The following ARHGAP29 variants were observed in gnomAD, a reference collection of about 807,000 sequenced individuals.
The protein encoded by ARHGAP29 is Rho GTPase activating protein 29, also known as rho GTPase-activating protein 29.
A neutral mutation model predicts 122.6 loss-of-function variants in ARHGAP29; 43 were observed. The ratio of observed to expected loss-of-function variants is 0.35; its 90% CI spans 0.27 to 0.45. ARHGAP29 has a LOEUF of 0.45. Among genes scored for constraint, ARHGAP29 ranks in the 20% least tolerant of loss-of-function variants. The pLI is 1.00. For missense variants in ARHGAP29, 1,303 were observed against 1,477.2 expected, an observed-to-expected ratio of 0.88 and a Z score of 1.93; for synonymous variants, 506 against 497.1, an observed-to-expected ratio of 1.02 and a Z score of -0.24.
Position 94,173,758 on chromosome 1 carries a change from G to T in ARHGAP29, c.*111C>A. 7.5e-7 allele frequency: 1 copy of T among 1,340,160 alleles called. No homozygotes were observed. The highest frequency in any genetic ancestry group is 1.0e-6 in the Non-Finnish European group (1 of 988,596). 83.0% of individuals were successfully genotyped at this position (1,340,160 alleles called of 1,614,324 possible). On this transcript the variant is annotated 3_prime_UTR_variant, in exon 23 of 23. Coordinates refer to ENST00000260526, the MANE Select transcript of ARHGAP29 (RefSeq NM_004815.4). ...TACAACAACAAAAGGCAAAACCCAT[G>T]ATTTGGCAGTCCTATACAAAAGAGG...
upstream of ARHGAP29, chr1:94,237,698 C>T: frequency 1.0e-6 from 1 of 985,394 alleles, no homozygotes; most frequent in Non-Finnish European, 1.2e-6. Flanking sequence ...CCGGCGACCG[C>T]GGCAGGTACG....
chr1:94,313,523 C>T, the ARHGAP29 span, among the ~76,000 whole-genome samples: 2 of 152,170 alleles, frequency 1.3e-5, no homozygotes, highest in Admixed American at 1.3e-4. Flanking sequence ...AGCGCTTTTA[C>T]ACTGTTGGTG....
chr1:94,247,777 G>T, intron 1 of ARHGAP29: 1 of 438,218 alleles, frequency 2.3e-6, no homozygotes, highest in South Asian at 9.6e-5. Context: ...CGCCTGCCCC[G>T]CCCCTTGGAG....
chr1:94,182,100 TA>T (rs56040000), intron 19 of ARHGAP29, among the ~76,000 whole-genome samples: 13 of 150,594 alleles, frequency 8.6e-5, no homozygotes, highest in African/African-American at 3.2e-4. Flanking sequence ...CAAGAATCCT[TA>T]AAAAAAAATT....
At chr1:94,209,919 A>G (rs145298795) in intron 3 of ARHGAP29, among the ~76,000 whole-genome samples, 206 of 152,314 alleles carry the variant, frequency 1.4e-3, no homozygotes, top group African/African-American at 4.8e-3. Context: ...ATTTACTTAC[A>G]GCCTTATTTC....
chr1:94,204,119 A>G (rs558382504), intron 7 of ARHGAP29, 125 bp from the exon 8 acceptor site: 54 of 581,806 alleles, frequency 9.3e-5, no homozygotes, highest in Non-Finnish European at 1.5e-4. Context: ...GTATCAAGAT[A>G]TAATACAGCA....
upstream of ARHGAP29, among the ~76,000 whole-genome samples, chr1:94,276,138 A>G (rs1371860711): frequency 2.0e-5 from 3 of 151,868 alleles, no homozygotes; most frequent in Non-Finnish European, 2.9e-5. Flanking sequence ...CATGCCTGTA[A>G]TCTCAGCTAC....
chr1:94,281,290 A>G, the ARHGAP29 span, among the ~76,000 whole-genome samples: 1 of 152,186 alleles, frequency 6.6e-6, no homozygotes, highest in South Asian at 2.1e-4. Context: ...TTCTAAAAGA[A>G]AGATTCATAA....
At chr1:94,258,311 C>G (rs1157020686) in intron 1 of ARHGAP29, among the ~76,000 whole-genome samples, 2 of 152,182 alleles carry the variant, frequency 1.3e-5, no homozygotes, top group African/African-American at 4.8e-5. Flanking sequence ...CTCAGTATTA[C>G]CTGGTCTCTC....
At position 94,255,180 on chromosome 1, in the gene ARHGAP29, G is replaced by A. The variant is rs138494531; in HGVS notation, c.-33+19832C>T. On this transcript the variant is annotated intron_variant and NMD_transcript_variant, in intron 1 of 25. Coordinates refer to the ARHGAP29 transcript ENST00000552844. Reference sequence around the variant, plus strand: ...CTTCAATTAAAATGAGGTCATTAGTGTATGCAGCCCCTAGCCAATGACAAG... The same window carrying A: ...CTTCAATTAAAATGAGGTCATTAGTATATGCAGCCCCTAGCCAATGACAAG... 2.0e-5 allele frequency among the ~76,000 whole-genome samples: 3 copies of A among 152,322 alleles called. No individual in the cohort carries two copies. The East Asian group carries it at 5.8e-4, about 29-fold the overall frequency.
At chr1:94,289,953 C>T in the ARHGAP29 span, among the ~76,000 whole-genome samples, 4 of 152,136 alleles carry the variant, frequency 2.6e-5, no homozygotes, top group Non-Finnish European at 5.9e-5. Context: ...CTAAAATTCT[C>T]TTTTTCATTG....
chr1:94,274,139 GGGCAGGAGTT>G (rs751641142), intron 1 of ARHGAP29, among the ~76,000 whole-genome samples: 1 of 152,152 alleles, frequency 6.6e-6, no homozygotes, highest in Non-Finnish European at 1.5e-5. Context: ...CATGATTCTA[GGGCAGGAGTT>G]GGCAAACCCT....
At chr1:94,264,802 T>C (rs1302134742) in intron 1 of ARHGAP29, among the ~76,000 whole-genome samples, 1 of 152,206 alleles carries the variant, frequency 6.6e-6, no homozygotes, top group East Asian at 1.9e-4. Flanking sequence ...TCTCCTGTAT[T>C]AGTCGTTGCT....
At chr1:94,252,588 C>T (rs1654139620) in intron 1 of ARHGAP29, among the ~76,000 whole-genome samples, 1 of 152,042 alleles carries the variant, frequency 6.6e-6, no homozygotes. Context: ...CAAGGGTATA[C>T]TTACATCAGT....
At chr1:94,177,822 C>A (rs1312217199) in intron 21 of ARHGAP29, 30 bp downstream of exon 21, 2 of 1,571,972 alleles carry the variant, frequency 1.3e-6, no homozygotes, top group Admixed American at 1.9e-5. Context: ...TTACAAAGTT[C>A]TAATATAATT....
At position 94,253,005 on chromosome 1, in the gene ARHGAP29, C is replaced by G. The variant is rs373957174; in HGVS notation, c.-32-21362G>C. 1.8e-4 allele frequency among the ~76,000 whole-genome samples: 28 copies of G among 152,080 alleles called. No individual in the cohort carries two copies. In the South Asian group the frequency reaches 3.3e-3, roughly 18 times the overall value. Reference sequence around the variant, plus strand: ...TTTTTTTTTGAGACAGAGTCTCAGTCTGTTGCCCAGGCTGGAGTGCAGTGG... The same window carrying G: ...TTTTTTTTTGAGACAGAGTCTCAGTGTGTTGCCCAGGCTGGAGTGCAGTGG... On this transcript the variant is annotated intron_variant and NMD_transcript_variant, in intron 1 of 25. Transcript: ENST00000552844.
At position 94,176,102 on chromosome 1, in the gene ARHGAP29, T is replaced by C. The variant is rs187522344; in HGVS notation, c.2906-1353A>G. Among the ~76,000 whole-genome samples, 17 of 152,280 alleles carry C rather than the reference T, an allele frequency of 1.1e-4. No individual in the cohort carries two copies. In the East Asian group the frequency reaches 3.3e-3, roughly 29 times the overall value. On this transcript the variant is annotated intron_variant, in intron 22 of 22. Coordinates refer to ENST00000260526, the MANE Select transcript of ARHGAP29 (RefSeq NM_004815.4). The stretch of plus-strand genomic sequence containing the variant: ...ATTGGACTCTAGGCACCAACATATA[T>C]TCTTAAATTTCTGAGGGAAAAACTT...
chr1:94,290,504 AT>A, the ARHGAP29 span, among the ~76,000 whole-genome samples: 2 of 151,960 alleles, frequency 1.3e-5, no homozygotes, highest in Non-Finnish European at 2.9e-5. Flanking sequence ...AGTTCTTTTA[AT>A]TGTGATGTTA....
At chr1:94,293,516 A>G in the ARHGAP29 span, among the ~76,000 whole-genome samples, 15 of 152,238 alleles carry the variant, frequency 9.9e-5, no homozygotes, top group East Asian at 2.7e-3. Flanking sequence ...CAGTGAGATG[A>G]ACCAGGTATC....
Sources: allele counts gnomAD v4.1 joint callset (sites outside exome capture counted in the v4.1 genomes callset), GRCh38; gene constraint gnomAD v4.1.1; transcripts MANE v1.5; gene names NCBI Gene and HGNC (gene_info 2026-07-23, HGNC 2026-07-21).